PPP1R12A: variants seen among roughly 807,000 people sequenced by gnomAD.
The protein encoded by PPP1R12A is myosin binding subunit.
A neutral mutation model predicts 139.6 loss-of-function variants in PPP1R12A; 19 were observed. The ratio of observed to expected loss-of-function variants is 0.14; its 90% CI spans 0.09 to 0.20. The LOEUF (loss-of-function observed/expected upper bound fraction) is 0.20. Ranked by LOEUF, PPP1R12A falls within the 10% of genes least tolerant of loss-of-function variation. The pLI is 1.00. For missense variants in PPP1R12A, 925 were observed against 1,211.5 expected, an observed-to-expected ratio of 0.76 and a Z score of 3.51; for synonymous variants, 427 against 420.6, an observed-to-expected ratio of 1.02 and a Z score of -0.19.
chr12:79,883,877 C>G (rs1883871124), intron 1 of PPP1R12A, among the ~76,000 whole-genome samples: 1 of 151,880 alleles, frequency 6.6e-6, no homozygotes, highest in South Asian at 2.1e-4. Flanking sequence ...CCATCTAGTA[C>G]AGAAGACAAA....
intron 9 of PPP1R12A, 78 bp downstream of exon 9, chr12:79,817,316 A>C: frequency 7.5e-7 from 1 of 1,339,054 alleles, no homozygotes; most frequent in South Asian, 1.5e-5. Context: ...ATAAAAATTC[A>C]GAATTACTTT....
rs1251589197 is a variant in PPP1R12A, at chr12:79,796,945, G to A, written c.2298C>T (p.Tyr766=). ...AAGTTGATACTGGCCTATAACGCTG[G>A]TAAGTCTGTGAAACATTAAGATCAA... The part of the protein sequence containing the change: ...QKYSRTYDET[Y]QRYRPVSTSS... Residue 766 remains tyrosine, a synonymous_variant, in exon 17 of 25, where the codon TAC becomes TAT. Transcript: ENST00000450142. The A allele has an allele frequency of 1.2e-6, 2 of 1,603,654 alleles. No homozygotes were observed. The highest frequency in any genetic ancestry group is 3.5e-5 in the Admixed American group (2 of 57,548).
chr12:79,929,391 A>G (rs1374925916), intron 1 of PPP1R12A, among the ~76,000 whole-genome samples: 3 of 152,104 alleles, frequency 2.0e-5, no homozygotes, highest in African/African-American at 7.2e-5. Flanking sequence ...TTAATTAGTG[A>G]CTCAACTGGA....
chr12:79,935,124 C>T (rs1888570224), upstream of PPP1R12A: 2 of 1,370,442 alleles, frequency 1.5e-6, no homozygotes, highest in Non-Finnish European at 1.9e-6. Context: ...CCGAGCGGAC[C>T]TCCCTTCCTA....
chr12:79,842,817 C>T (rs948594315), intron 3 of PPP1R12A, among the ~76,000 whole-genome samples: 3 of 152,092 alleles, frequency 2.0e-5, no homozygotes, highest in South Asian at 2.1e-4. Flanking sequence ...GATCCTCCCC[C>T]CTTAGCTGGG....
Position 79,882,878 on chromosome 12 carries a change from C to T in PPP1R12A, c.238-9940G>A, listed in dbSNP as rs2656026. On this transcript the variant is annotated intron_variant, in intron 1 of 24. Coordinates refer to ENST00000450142, the MANE Select transcript of PPP1R12A (RefSeq NM_002480.3). The stretch of plus-strand genomic sequence containing the variant: ...ACTAGGCCAGGCGCGGTGGCTCATG[C>T]CTGTAATCCTAGCACTTTGGGAGGC... 7.9e-3 allele frequency among the ~76,000 whole-genome samples: 1,198 copies of T among 152,258 alleles called. 17 individuals carry two copies. Among genetic ancestry groups the T allele is most frequent in the African/African-American group, 0.027 (1,138 of 41,548 alleles).
intron 1 of PPP1R12A, among the ~76,000 whole-genome samples, chr12:79,880,993 C>T (rs563787506): frequency 6.6e-5 from 10 of 151,954 alleles, no homozygotes; most frequent in East Asian, 5.8e-4. Flanking sequence ...TGTTTTGGGG[C>T]GCCATGAACC....
intron 20 of PPP1R12A, among the ~76,000 whole-genome samples, 190 bp from the exon 21 acceptor site, chr12:79,788,973 G>C (rs1468527330): frequency 6.6e-6 from 1 of 152,112 alleles, no homozygotes; most frequent in Non-Finnish European, 1.5e-5. Context: ...GTCTCACTCT[G>C]CTGCCCAGCT....
intron 1 of PPP1R12A, among the ~76,000 whole-genome samples, chr12:79,884,437 T>C (rs905095273): frequency 6.6e-6 from 1 of 152,192 alleles, no homozygotes; most frequent in African/African-American, 2.4e-5. Flanking sequence ...CTAAAAGCAT[T>C]GCCGCAAAAT....
Position 79,798,524 on chromosome 12 carries a change from T to C in PPP1R12A, c.2061A>G (p.Arg687=). Reference sequence around the variant, plus strand: ...TTGATCTTCTAGATTGTCTTGCTTGTCTAGATCTTGCTTTTCTTTGGGATT... The same window carrying C: ...TTGATCTTCTAGATTGTCTTGCTTGCCTAGATCTTGCTTTTCTTTGGGATT... ...ESESQRKARS[R]QARQSRRSTQ... Residue 687 remains arginine, a synonymous_variant, in exon 15 of 25, where the codon AGA becomes AGG. Transcript: ENST00000450142. The C allele has an allele frequency of 3.2e-6, 5 of 1,568,352 alleles. No individual in the cohort carries two copies. The highest frequency in any genetic ancestry group is 4.3e-6 in the Non-Finnish European group (5 of 1,153,024).
intron 10 of PPP1R12A, among the ~76,000 whole-genome samples, chr12:79,809,006 T>C (rs1874198003): frequency 6.6e-6 from 1 of 152,036 alleles, no homozygotes; most frequent in Admixed American, 6.6e-5. Flanking sequence ...TACATCAAAA[T>C]AGTCAAAACA....
At chr12:79,801,003 G>A (rs1310340731) in intron 14 of PPP1R12A, among the ~76,000 whole-genome samples, 1 of 151,250 alleles carries the variant, frequency 6.6e-6, no homozygotes, top group Non-Finnish European at 1.5e-5. Context: ...AAAGTGCTGG[G>A]ATTACAGGCA....
Position 79,808,533 on chromosome 12 carries a change from T to C in PPP1R12A, c.1500A>G (p.Thr500=), listed in dbSNP as rs1381158362. 4 of 1,610,220 alleles carry C rather than the reference T, an allele frequency of 2.5e-6. No individual in the cohort carries two copies. The highest frequency in any genetic ancestry group is 4.5e-5 in the East Asian group (2 of 44,794). Residue 500 remains threonine (T), a synonymous_variant, in exon 11 of 25, where the codon ACA becomes ACG. Coordinates refer to ENST00000450142, the MANE Select transcript of PPP1R12A (RefSeq NM_002480.3). ...KGTRLAYVAP[T]IPRRLASTSD... ...ATGTACTGGCTAGTCGTCTTGGTAT[T>C]GTAGGTGCAACATATGCAAGCCTAG...
intron 1 of PPP1R12A, among the ~76,000 whole-genome samples, chr12:79,888,117 T>C (rs548622661): frequency 3.9e-5 from 6 of 152,128 alleles, no homozygotes; most frequent in East Asian, 3.9e-4. Context: ...TGCTGGCTGG[T>C]AGGAATACAA....
At chr12:79,778,967 G>A (rs183823512) in intron 23 of PPP1R12A, 31 of 234,294 alleles carry the variant, frequency 1.3e-4, no homozygotes, top group African/African-American at 6.7e-4. Context: ...AGTGACAGAA[G>A]CAGAAAAGCA....
chr12:79,892,071 A>C (rs892588727), intron 1 of PPP1R12A, among the ~76,000 whole-genome samples: 1 of 152,240 alleles, frequency 6.6e-6, no homozygotes, highest in Non-Finnish European at 1.5e-5. Context: ...ACTAATGGCC[A>C]TACTGTTGGA....
At chr12:79,920,577 T>G (rs1887359640) in intron 1 of PPP1R12A, among the ~76,000 whole-genome samples, 1 of 152,202 alleles carries the variant, frequency 6.6e-6, no homozygotes, top group Non-Finnish European at 1.5e-5. Flanking sequence ...TGTTGATAGC[T>G]GGGGACTTTG....
At chr12:79,835,492 T>C (rs1389932088) in intron 3 of PPP1R12A, among the ~76,000 whole-genome samples, 1 of 152,114 alleles carries the variant, frequency 6.6e-6, no homozygotes, top group Non-Finnish European at 1.5e-5. Context: ...AGATTTGGAG[T>C]TGCCACTTCT....
rs775061922 is a variant in PPP1R12A, at chr12:79,820,761, C to A, written c.1114+13G>T. On this transcript the variant is annotated intron_variant, in intron 8 of 24. Transcript: ENST00000450142. Reference sequence around the variant, plus strand: ...CAAAATTCAACGAAAATGCATTTATCTTTTAATTTTACCTGTTTCAGCTTC... The same window carrying A: ...CAAAATTCAACGAAAATGCATTTATATTTTAATTTTACCTGTTTCAGCTTC... The A allele has an allele frequency of 1.9e-6, 3 of 1,606,178 alleles. No homozygotes were observed. In the Admixed American group the frequency reaches 5.1e-5, roughly 28 times the overall value.
Sources: allele counts gnomAD v4.1 joint callset (sites outside exome capture counted in the v4.1 genomes callset), GRCh38; gene constraint gnomAD v4.1.1; transcripts MANE v1.5; gene names NCBI Gene and HGNC (gene_info 2026-07-23, HGNC 2026-07-21).